NHS: variants seen among roughly 807,000 people sequenced by gnomAD.
NHS encodes NHS actin remodeling regulator.
NHS carries 5 observed loss-of-function variants against 72.5 expected under a neutral mutation model. That is an observed-to-expected ratio of 0.07 (90% CI 0.04 to 0.14). The LOEUF (loss-of-function observed/expected upper bound fraction) is 0.14, where lower values mean the gene tolerates loss of function less well. Ranked by LOEUF, NHS falls within the 10% of genes least tolerant of loss-of-function variation. The pLI is 1.00. For synonymous variants in NHS, 464 were observed against 547.7 expected (o/e 0.85, Z 2.13); for missense variants, 1,072 against 1,355.7 (o/e 0.79, Z 3.29).
chrX:17,404,410 T>C (rs917415542), intron 1 of NHS, among the ~76,000 whole-genome samples: 3 of 111,654 alleles, frequency 2.7e-5, no homozygotes, highest in Admixed American at 9.5e-5. Flanking sequence ...TCTGAAGCAC[T>C]ATATTGGTTT....
chrX:17,529,111 C>T (rs2065186715), intron 1 of NHS, among the ~76,000 whole-genome samples: 1 of 110,590 alleles, frequency 9.0e-6, no homozygotes, highest in African/African-American at 3.3e-5. Flanking sequence ...GAATGTAGCA[C>T]AGCTTGGTTT....
chrX:17,723,867 G>T (rs1258208686), intron 5 of NHS, among the ~76,000 whole-genome samples: 1 of 109,884 alleles, frequency 9.1e-6, no homozygotes, highest in African/African-American at 3.3e-5. Flanking sequence ...GAAGAAATGG[G>T]TCAGGATATG....
intron 1 of NHS, among the ~76,000 whole-genome samples, chrX:17,593,588 T>C (rs1204800721): frequency 9.0e-6 from 1 of 111,119 alleles, no homozygotes; most frequent in East Asian, 2.8e-4. Context: ...GATAGGAGAA[T>C]GCAAGAATCC....
At chrX:17,718,379 G>A (rs2066377805) in intron 3 of NHS, among the ~76,000 whole-genome samples, 1 of 97,742 alleles carries the variant, frequency 1.0e-5, no homozygotes, top group African/African-American at 3.8e-5. Flanking sequence ...AAGAAAGGAA[G>A]AGAGGGAAGA....
chrX:17,725,326 T>A (rs998138357), intron 6 of NHS, 21 bp from the exon 7 acceptor site: 34 of 1,189,694 alleles, frequency 2.9e-5, no homozygotes, highest in Non-Finnish European at 3.9e-5. Flanking sequence ...AATATCTCAC[T>A]GTGCTTTCCA....
chrX:17,700,574 C>T (rs2066257723), intron 3 of NHS, among the ~76,000 whole-genome samples: 1 of 112,280 alleles, frequency 8.9e-6, no homozygotes, highest in Non-Finnish European at 1.9e-5. Context: ...CAAGCACTCT[C>T]ATACATTGCT....
At position 17,386,679 on chromosome X, in the gene NHS, A is replaced by G. The variant is rs960166684; in HGVS notation, c.565+10357A>G. Among the ~76,000 whole-genome samples the G allele has an allele frequency of 6.4e-5, 7 of 108,868 alleles. No homozygotes were observed. In the East Asian group the frequency reaches 1.1e-3, roughly 18 times the overall value. The allele number at this position is 108,868 out of a possible 115,157, so 94.5% of individuals were successfully genotyped here. A position where few individuals can be genotyped will look rare whatever the true frequency, so the allele number is the denominator to read the frequency against. ...ACTCTGTCTCAAAAAAAAAAAAAAA[A>G]AAAAAGAAAAAGAAAAAAAAGAATG... is the stretch of plus-strand genomic sequence containing the variant. On this transcript the variant is annotated intron_variant, in intron 1 of 8. Transcript: ENST00000676302.
chrX:17,594,800 C>G (rs1044819383), intron 1 of NHS, among the ~76,000 whole-genome samples: 1 of 112,608 alleles, frequency 8.9e-6, no homozygotes, highest in African/African-American at 3.2e-5. Flanking sequence ...AGTTTGTGGC[C>G]TTAGCTAAAG....
chrX:17,428,495 T>C (rs907000259), intron 1 of NHS, among the ~76,000 whole-genome samples: 2 of 111,977 alleles, frequency 1.8e-5, no homozygotes, highest in Non-Finnish European at 3.8e-5. Flanking sequence ...TTTTACTCCT[T>C]AGGAAAATGC....
At chrX:17,509,867 A>G (rs2065078477) in intron 1 of NHS, among the ~76,000 whole-genome samples, 1 of 112,819 alleles carries the variant, frequency 8.9e-6, no homozygotes, top group Non-Finnish European at 1.9e-5. Context: ...TATAGCTATC[A>G]TGCCATAATA....
intron 1 of NHS, among the ~76,000 whole-genome samples, chrX:17,474,086 C>T (rs1305221508): frequency 1.8e-5 from 2 of 111,431 alleles, no homozygotes; most frequent in East Asian, 2.8e-4. Context: ...CCACCTTCCA[C>T]CCTCAAGTAG....
chrX:17,575,284 C>A (rs1475272807), intron 1 of NHS, among the ~76,000 whole-genome samples: 2 of 113,174 alleles, frequency 1.8e-5, no homozygotes, highest in Non-Finnish European at 3.7e-5. Context: ...CAAGGCCCTG[C>A]ATGACCTGGC....
chrX:17,478,247 T>C (rs1219195538), intron 1 of NHS, among the ~76,000 whole-genome samples: 1 of 112,109 alleles, frequency 8.9e-6, no homozygotes, highest in East Asian at 2.8e-4. Context: ...TGCCAGATCT[T>C]TAGTAATCTT....
chrX:17,474,117 C>A (rs1394096026), intron 1 of NHS, among the ~76,000 whole-genome samples: 5 of 111,040 alleles, frequency 4.5e-5, no homozygotes, highest in Non-Finnish European at 9.4e-5. Context: ...CTGTTGTTCC[C>A]TTCTTTGTAT....
rs749270448 is a variant in NHS, at chrX:17,727,420, G to A, written c.3314G>A (p.Arg1105His). 1.1e-5 allele frequency: 13 copies of A among 1,209,393 alleles called. No individual in the cohort carries two copies. Among genetic ancestry groups the A allele is most frequent in the Admixed American group, 4.4e-5 (2 of 45,734 alleles). The change falls in exon 7 of 9, where the codon CGT becomes CAT. Residue 1105 changes from arginine (R) to histidine (H), a missense_variant. Arg to His is a conservative substitution (Grantham distance 29, BLOSUM62 0). Transcript: ENST00000676302. ...HNVLNKPFHH[R>H]HPLHVFTHNK... is the part of the protein sequence containing the mutation. ...GTCTTGAACAAACCATTCCACCACC[G>A]TCATCCACTGCATGTTTTTACTCAT...
At chrX:17,377,966 G>A (rs1414687516) in intron 1 of NHS, among the ~76,000 whole-genome samples, 1 of 112,154 alleles carries the variant, frequency 8.9e-6, no homozygotes, top group African/African-American at 3.2e-5. Flanking sequence ...CAACAGCGCA[G>A]GTATCTGGGG....
chrX:17,715,807 C>G (rs767976672), intron 3 of NHS, among the ~76,000 whole-genome samples: 1 of 111,267 alleles, frequency 9.0e-6, no homozygotes, highest in East Asian at 2.8e-4. Context: ...GGAGGGCCCT[C>G]TAAAATACTA....
intron 1 of NHS, among the ~76,000 whole-genome samples, chrX:17,674,426 A>G (rs940940424): frequency 1.8e-4 from 20 of 112,465 alleles, no homozygotes; most frequent in African/African-American, 5.5e-4. Context: ...ACGTTGAACC[A>G]CATGAAATTG....
At chrX:17,625,637 T>C (rs773295057) in intron 1 of NHS, among the ~76,000 whole-genome samples, 1 of 112,478 alleles carries the variant, frequency 8.9e-6, no homozygotes, top group Non-Finnish European at 1.9e-5. Context: ...GCAATGTGCA[T>C]TAGAAATATG....
Sources: allele counts gnomAD v4.1 joint callset (sites outside exome capture counted in the v4.1 genomes callset), GRCh38; gene constraint gnomAD v4.1.1; transcripts MANE v1.5; gene names NCBI Gene and HGNC (gene_info 2026-07-23, HGNC 2026-07-21).